DIXDC1: variants seen among roughly 807,000 people sequenced by gnomAD.
DIXDC1 encodes the protein dixin.
In DIXDC1, 64 loss-of-function variants were observed where a neutral mutation model predicts 103.1. That is an observed-to-expected ratio of 0.62 (90% CI 0.51 to 0.76). The LOEUF (loss-of-function observed/expected upper bound fraction) is 0.76. Among genes scored for constraint, DIXDC1 ranks in the 30% least tolerant of loss-of-function variants. The pLI, the probability that DIXDC1 is intolerant of heterozygous loss-of-function variation, is 0.00. For synonymous variants in DIXDC1, 266 were observed against 298.5 expected (o/e 0.89, Z 1.12); for missense variants, 759 against 834.2 (o/e 0.91, Z 1.11).
intron 17 of DIXDC1, among the ~76,000 whole-genome samples, chr11:112,012,358 G>T (rs1252869940): frequency 6.6e-6 from 1 of 152,160 alleles, no homozygotes; most frequent in African/African-American, 2.4e-5. Flanking sequence ...TAGTATTGGT[G>T]AATTGGTAGA....
At chr11:111,981,780 A>G (rs116608808) in intron 6 of DIXDC1, among the ~76,000 whole-genome samples, 1,590 of 152,378 alleles carry the variant, frequency 0.01, 25 homozygotes, top group African/African-American at 0.035. Flanking sequence ...CAAGGAAACC[A>G]GAGCAAAGAG....
At chr11:111,996,050 A>T in intron 16 of DIXDC1, 30 bp from the exon 17 acceptor site, 1 of 1,609,774 alleles carries the variant, frequency 6.2e-7, no homozygotes, top group South Asian at 1.1e-5. Context: ...CATTGATCAT[A>T]ACTCTTGTGA....
At chr11:111,987,037 T>G (rs1592599038) in intron 9 of DIXDC1, 113 bp downstream of exon 9, 1 of 750,340 alleles carries the variant, frequency 1.3e-6, no homozygotes, top group Non-Finnish European at 2.1e-6. Flanking sequence ...GATCACAAGG[T>G]CAGGAGATCG....
chr11:111,948,045 G>A (rs1966655613), intron 1 of DIXDC1, among the ~76,000 whole-genome samples: 1 of 152,154 alleles, frequency 6.6e-6, no homozygotes, highest in African/African-American at 2.4e-5. Context: ...GATCTGGACA[G>A]AATGCCAAAT....
At chr11:111,997,480 C>T (rs782268687) in intron 17 of DIXDC1, among the ~76,000 whole-genome samples, 1 of 152,138 alleles carries the variant, frequency 6.6e-6, no homozygotes, top group Non-Finnish European at 1.5e-5. Flanking sequence ...GGATTACAGA[C>T]GTGCACTACC....
At chr11:112,007,198 A>G (rs1409272049) in intron 17 of DIXDC1, among the ~76,000 whole-genome samples, 1 of 152,214 alleles carries the variant, frequency 6.6e-6, no homozygotes, top group Non-Finnish European at 1.5e-5. Context: ...AGTGGAAGAA[A>G]GGGTATCAGT....
chr11:111,979,528 C>CAAAGA (rs1860229121), intron 5 of DIXDC1, among the ~76,000 whole-genome samples: 1 of 152,166 alleles, frequency 6.6e-6, no homozygotes, highest in African/African-American at 2.4e-5. Context: ...AGAGATGGCT[C>CAAAGA]GAGACTCCTT....
At chr11:111,952,342 T>C (rs587756296) in intron 1 of DIXDC1, among the ~76,000 whole-genome samples, 1 of 152,278 alleles carries the variant, frequency 6.6e-6, no homozygotes, top group South Asian at 2.1e-4. Flanking sequence ...TTTAGGAAGT[T>C]AGACAAATTG....
chr11:111,985,102 A>C, intron 7 of DIXDC1, 130 bp from the exon 8 acceptor site: 1 of 770,536 alleles, frequency 1.3e-6, no homozygotes, highest in South Asian at 1.6e-5. Flanking sequence ...CTAAGGAGCA[A>C]AAATTACCAA....
At chr11:111,968,067 C>A (rs1325002685) in intron 2 of DIXDC1, among the ~76,000 whole-genome samples, 3 of 152,210 alleles carry the variant, frequency 2.0e-5, no homozygotes, top group African/African-American at 7.2e-5. Context: ...AGACCATGAT[C>A]ACTGTACTTT....
chr11:112,000,591 G>A (rs1555175877), intron 17 of DIXDC1, among the ~76,000 whole-genome samples: 1 of 151,930 alleles, frequency 6.6e-6, no homozygotes, highest in Non-Finnish European at 1.5e-5. Flanking sequence ...CAGCTACTCG[G>A]GGGGCTGAGG....
upstream of DIXDC1, among the ~76,000 whole-genome samples, chr11:111,936,805 C>T (rs1555168140): frequency 1.3e-5 from 2 of 152,036 alleles, no homozygotes. Context: ...CTCCCTTTCC[C>T]ACCCACCTTC....
intron 7 of DIXDC1, 108 bp downstream of exon 7, chr11:111,982,595 TGAG>T (rs1382137648): frequency 2.4e-6 from 3 of 1,232,636 alleles, no homozygotes; most frequent in Admixed American, 5.1e-5. Flanking sequence ...CAGAACTGAA[TGAG>T]GAGTTTAGAT....
chr11:111,995,317 G>C lies in DIXDC1; in HGVS notation c.1528-86G>C. 3 of 1,545,628 alleles carry C rather than the reference G, an allele frequency of 1.9e-6. No homozygotes were observed. The South Asian group carries it at 3.5e-5, about 18-fold the overall frequency. On this transcript the variant is annotated intron_variant, in intron 15 of 19. Transcript: ENST00000440460. The stretch of plus-strand genomic sequence containing the variant: ...TGCTTCTGTGGGGGAAAAATCTTCT[G>C]GAAACTTCTCTCCTATATCCTTTTA...
intron 17 of DIXDC1, among the ~76,000 whole-genome samples, chr11:112,003,138 G>A (rs1861120017): frequency 6.6e-6 from 1 of 152,192 alleles, no homozygotes; most frequent in East Asian, 1.9e-4. Context: ...CAAAAATACA[G>A]TTAGATAGAA....
chr11:112,016,376 A>G (rs1177112234), intron 17 of DIXDC1, among the ~76,000 whole-genome samples: 4 of 152,060 alleles, frequency 2.6e-5, no homozygotes, highest in South Asian at 4.1e-4. Context: ...CTGTGTGTCT[A>G]CCCTGCCTGG....
Position 111,992,323 on chromosome 11 carries a change from C to T in DIXDC1, c.1114-92C>T, listed in dbSNP as rs587637033. The T allele has an allele frequency of 2.5e-4, 288 of 1,173,654 alleles. 1 individual carries two copies. The African/African-American group carries it at 4.0e-3, about 16-fold the overall frequency. 72.7% of individuals were successfully genotyped at this position (1,173,654 alleles called of 1,614,324 possible). A position where few individuals can be genotyped will look rare whatever the true frequency, so the allele number is the denominator to read the frequency against. On this transcript the variant is annotated intron_variant, in intron 10 of 19. Transcript: ENST00000440460. ...GTCTTCCAGTCTGCCATAACGAATG[C>T]TGGAAACACATTAAAGGCTTTAGTA...
chr11:112,019,266 G>GT lies in DIXDC1; in HGVS notation c.*231dup, dbSNP rs1861686029. On this transcript the variant is annotated 3_prime_UTR_variant, in exon 20 of 20. Transcript: ENST00000440460. Reference sequence around the variant, plus strand: ...TGGGTTCATCTGGAGTTCCTTGTCCGTGGGAACACAGTGTTCTATTCTACT... The same window carrying GT: ...TGGGTTCATCTGGAGTTCCTTGTCCGTTGGGAACACAGTGTTCTATTCTACT... The GT allele has an allele frequency of 2.5e-6, 1 of 398,648 alleles. No individual in the cohort carries two copies. Among genetic ancestry groups the GT allele is most frequent in the Non-Finnish European group, 4.6e-6 (1 of 216,736 alleles). The allele number at this position is 398,648 out of a possible 1,614,324, so 24.7% of individuals were successfully genotyped here.
At chr11:111,939,141 A>G (rs1226250574) in intron 1 of DIXDC1, among the ~76,000 whole-genome samples, 3 of 152,368 alleles carry the variant, frequency 2.0e-5, no homozygotes, top group African/African-American at 7.2e-5. Context: ...TAACAACAAC[A>G]ACAAAACTCA....
Sources: allele counts gnomAD v4.1 joint callset (sites outside exome capture counted in the v4.1 genomes callset), GRCh38; gene constraint gnomAD v4.1.1; transcripts MANE v1.5; gene names NCBI Gene and HGNC (gene_info 2026-07-23, HGNC 2026-07-21).